FREM3: variants seen among roughly 807,000 people sequenced by gnomAD.
FREM3 encodes FRAS1-related extracellular matrix protein 3.
Under a neutral mutation model 129.1 loss-of-function variants are expected in FREM3, and 105 were observed. The ratio of observed to expected loss-of-function variants is 0.81; its 90% CI spans 0.69 to 0.96. FREM3 has a LOEUF of 0.96. Ranked by LOEUF, FREM3 falls within the 40% of genes least tolerant of loss-of-function variation. The pLI, the probability that FREM3 is intolerant of heterozygous loss-of-function variation, is 0.00. For missense variants in FREM3, 2,593 were observed against 2,666.3 expected (o/e 0.97, Z 0.61); for synonymous variants, 1,014 against 1,044.9 (o/e 0.97, Z 0.57).
chr4:143,676,176 CA>C (rs904551480), intron 2 of FREM3, among the ~76,000 whole-genome samples: 4 of 152,186 alleles, frequency 2.6e-5, no homozygotes, highest in African/African-American at 4.8e-5. Context: ...AGCAGCACAT[CA>C]AAAAGCTTAT....
rs1738810638 is a variant in FREM3, at chr4:143,614,418, G to T, written c.5780-2891C>A. Among the ~76,000 whole-genome samples the T allele has an allele frequency of 2.0e-5, 3 of 152,186 alleles. No individual in the cohort carries two copies. In the South Asian group the frequency reaches 6.2e-4, roughly 32 times the overall value. ...ACATCAAATATATTCTGAGATAAAA[G>T]ATAAGGTCCCTGGCGATTGTCTGTA... On this transcript the variant is annotated intron_variant, in intron 5 of 7. Coordinates refer to ENST00000329798, the MANE Select transcript of FREM3 (RefSeq NM_001168235.2).
At chr4:143,591,143 G>T (rs1738352791) in intron 6 of FREM3, among the ~76,000 whole-genome samples, 1 of 151,866 alleles carries the variant, frequency 6.6e-6, no homozygotes, top group Non-Finnish European at 1.5e-5. Context: ...TTCTTTATTG[G>T]TCTTGCTAGC....
At chr4:143,630,973 A>G (rs1021535820) in intron 2 of FREM3, among the ~76,000 whole-genome samples, 10 of 152,162 alleles carry the variant, frequency 6.6e-5, no homozygotes, top group Non-Finnish European at 1.2e-4. Flanking sequence ...AAGTACATGT[A>G]TTGGCCAGAA....
At chr4:143,609,607 C>A (rs940709504) in intron 6 of FREM3, among the ~76,000 whole-genome samples, 2 of 152,012 alleles carry the variant, frequency 1.3e-5, no homozygotes, top group South Asian at 4.2e-4. Context: ...GAGATAGTTG[C>A]TTCAATATCC....
At chr4:143,581,433 C>T (rs1474967000) in intron 7 of FREM3, among the ~76,000 whole-genome samples, 1 of 151,752 alleles carries the variant, frequency 6.6e-6, no homozygotes, top group Non-Finnish European at 1.5e-5. Context: ...TTTCTGTTTC[C>T]TGGGAGCCTC....
chr4:143,662,139 A>C (rs1397214847), intron 2 of FREM3, among the ~76,000 whole-genome samples: 1 of 151,812 alleles, frequency 6.6e-6, no homozygotes, highest in Non-Finnish European at 1.5e-5. Flanking sequence ...TAGCTTTTGA[A>C]TGTGTTTGCT....
At chr4:143,609,839 T>C (rs1738725399) in intron 6 of FREM3, among the ~76,000 whole-genome samples, 1 of 152,198 alleles carries the variant, frequency 6.6e-6, no homozygotes, top group African/African-American at 2.4e-5. Flanking sequence ...AAACAGCAGA[T>C]ACTTTTTATA....
At chr4:143,595,515 A>G (rs1738453507) in intron 6 of FREM3, among the ~76,000 whole-genome samples, 1 of 152,164 alleles carries the variant, frequency 6.6e-6, no homozygotes, top group East Asian at 1.9e-4. Context: ...TGTTTTTGAG[A>G]TATTTTTGGT....
rs1374552082 is a variant in FREM3 at position 143,698,039 on chromosome 4, G to A, written c.2637C>T (p.Tyr879=). 2 of 1,537,332 alleles carry A rather than the reference G, an allele frequency of 1.3e-6. No individual in the cohort carries two copies. Among genetic ancestry groups the A allele is most frequent in the South Asian group, 1.2e-5 (1 of 84,060 alleles). ...VRGPQHGHLQ[Y]FKRCMVPGES... is the part of the protein sequence containing the mutation. ...CCCCTGGGACCATACATCTTTTAAAGTACTGCAAGTGTCCATGTTGGGGAC... is the reference window on the plus strand; with the variant it reads ...CCCCTGGGACCATACATCTTTTAAAATACTGCAAGTGTCCATGTTGGGGAC... The change falls in exon 1 of 8, where the codon TAC becomes TAT. Residue 879 remains tyrosine, a synonymous_variant. Coordinates refer to ENST00000329798, the MANE Select transcript of FREM3 (RefSeq NM_001168235.2).
chr4:143,586,039 G>C, intron 6 of FREM3, 46 bp from the exon 7 acceptor site: 1 of 1,527,322 alleles, frequency 6.5e-7, no homozygotes. Flanking sequence ...CAGCCTGCCT[G>C]GTATACTGTC....
chr4:143,694,745 T>C (rs1338222492), intron 1 of FREM3, among the ~76,000 whole-genome samples: 2 of 152,242 alleles, frequency 1.3e-5, no homozygotes, highest in Non-Finnish European at 2.9e-5. Context: ...TTCATTTGCT[T>C]TAGAAGCAAT....
chr4:143,697,982 C>T lies in FREM3; in HGVS notation c.2694G>A (p.Gly898=). 6.5e-7 allele frequency: 1 copy of T among 1,537,576 alleles called. No homozygotes were observed. Among genetic ancestry groups the T allele is most frequent in the Non-Finnish European group, 8.7e-7 (1 of 1,146,988 alleles). The part of the protein sequence containing the change: ...ESFMQADVIN[G]SVSYQHGRDQ... ...CTCTGCCATGCTGGTAAGAGACACT[C>T]CCGTTAATAACATCAGCTTGCATGA... is the stretch of plus-strand genomic sequence containing the variant. The change falls in exon 1 of 8, where the codon GGG becomes GGA. Residue 898 remains glycine, a synonymous_variant. Transcript: ENST00000329798.
intron 2 of FREM3, among the ~76,000 whole-genome samples, chr4:143,663,594 T>C (rs1026011362): frequency 2.0e-5 from 3 of 152,124 alleles, no homozygotes; most frequent in African/African-American, 7.2e-5. Flanking sequence ...CGTATCTTTG[T>C]GGCATTCTCT....
intron 7 of FREM3, among the ~76,000 whole-genome samples, chr4:143,580,495 C>G (rs1187898683): frequency 1.3e-5 from 2 of 152,202 alleles, no homozygotes; most frequent in Non-Finnish European, 2.9e-5. Context: ...AAGGCTCAGG[C>G]ATGCATGGAG....
Position 143,698,783 on chromosome 4 carries a change from G to A in FREM3, c.1893C>T (p.Tyr631=). ...PLSTEDEDWH[Y]MEKEGLYEKV... The stretch of plus-strand genomic sequence containing the variant: ...TCTCATAAAGCCCTTCCTTTTCCAT[G>A]TAGTGCCAGTCTTCATCTTCAGTTG... The change falls in exon 1 of 8, where the codon TAC becomes TAT. Residue 631 remains tyrosine, a synonymous_variant. Transcript: ENST00000329798. 1 of 1,537,580 alleles carries A rather than the reference G, an allele frequency of 6.5e-7. No homozygotes were observed. The highest frequency in any genetic ancestry group is 8.7e-7 in the Non-Finnish European group (1 of 1,146,988).
At chr4:143,631,163 A>C (rs1194018247) in intron 2 of FREM3, among the ~76,000 whole-genome samples, 2 of 152,136 alleles carry the variant, frequency 1.3e-5, no homozygotes, top group Non-Finnish European at 2.9e-5. Flanking sequence ...TTATCTGCTA[A>C]AAAGGTTCTT....
Position 143,696,917 on chromosome 4 carries a change from G to A in FREM3, c.3759C>T (p.His1253=), listed in dbSNP as rs773793065. 4 of 1,537,578 alleles carry A rather than the reference G, an allele frequency of 2.6e-6. No individual in the cohort carries two copies. Among genetic ancestry groups the A allele is most frequent in the South Asian group, 1.2e-5 (1 of 84,060 alleles). ...CCTGGATCTCCTTGAGGGTGAAGCT[G>A]TGGATGGGCTGGCTGCCTGTAGCCA... ...QQLATGSQPI[H]SFTLKEIQEA... Residue 1253 remains histidine (H), a synonymous_variant, in exon 1 of 8, where the codon CAC becomes CAT. Coordinates refer to ENST00000329798, the MANE Select transcript of FREM3 (RefSeq NM_001168235.2).
At position 143,673,238 on chromosome 4, in the gene FREM3, C is replaced by G. The variant is rs542590902; in HGVS notation, c.5275+19875G>C. The stretch of plus-strand genomic sequence containing the variant: ...CTTTGTGGTTTTATCTACCTTTGGT[C>G]TTTGATGATGGTAACGTACAGACGG... On this transcript the variant is annotated intron_variant, in intron 2 of 7. Coordinates refer to ENST00000329798, the MANE Select transcript of FREM3 (RefSeq NM_001168235.2). Among the ~76,000 whole-genome samples the G allele has an allele frequency of 1.2e-4, 19 of 152,262 alleles. No homozygotes were observed. In the South Asian group the frequency reaches 3.7e-3, roughly 30 times the overall value.
intron 5 of FREM3, among the ~76,000 whole-genome samples, chr4:143,619,477 C>T (rs554029443): frequency 1.3e-5 from 2 of 152,220 alleles, no homozygotes; most frequent in Admixed American, 6.5e-5. Flanking sequence ...TAAGTGTGAA[C>T]GTTGTAAATC....
Sources: allele counts gnomAD v4.1 joint callset (sites outside exome capture counted in the v4.1 genomes callset), GRCh38; gene constraint gnomAD v4.1.1; transcripts MANE v1.5; gene names NCBI Gene and HGNC (gene_info 2026-07-23, HGNC 2026-07-21).